THEMIS: variants seen among roughly 807,000 people sequenced by gnomAD.
THEMIS encodes thymocyte selection associated, also known as protein THEMIS.
In THEMIS, 37 loss-of-function variants were observed where a neutral mutation model predicts 52.6. That is an observed-to-expected ratio of 0.70 (90% CI 0.54 to 0.93). The LOEUF is 0.93. THEMIS is among the 40% of genes least tolerant of loss of function. THEMIS has a pLI of 0.00. For missense variants in THEMIS, 808 were observed against 763.1 expected (o/e 1.06, Z -0.69); for synonymous variants, 292 against 272.7 (o/e 1.07, Z -0.70).
At chr6:127,858,696 C>A (rs1014014494) in intron 1 of THEMIS, among the ~76,000 whole-genome samples, 9 of 152,060 alleles carry the variant, frequency 5.9e-5, no homozygotes, top group African/African-American at 1.9e-4. Flanking sequence ...TATATATAGA[C>A]ATACATATTA....
intron 1 of THEMIS, among the ~76,000 whole-genome samples, chr6:127,863,932 A>T (rs1191857321): frequency 6.6e-6 from 1 of 152,142 alleles, no homozygotes; most frequent in East Asian, 1.9e-4. Flanking sequence ...GTAGGGAAAT[A>T]ATACCTTATC....
chr6:127,787,284 A>C (rs566367313), intron 4 of THEMIS, among the ~76,000 whole-genome samples: 1 of 152,152 alleles, frequency 6.6e-6, no homozygotes, highest in South Asian at 2.1e-4. Context: ...ACGCACACAC[A>C]CACACACACA....
At chr6:127,770,357 AT>A (rs1776342472) in intron 4 of THEMIS, among the ~76,000 whole-genome samples, 1 of 151,920 alleles carries the variant, frequency 6.6e-6, no homozygotes, top group South Asian at 2.1e-4. Context: ...TTTGATTTGC[AT>A]TTTTCTAATG....
rs1485190443 is a variant in THEMIS at position 127,708,262 on chromosome 6, T to G, written c.*1723A>C. The stretch of plus-strand genomic sequence containing the variant: ...TCCAATAGGTGAGCATGAAGTTTAT[T>G]ACACTTTTCAATATCAAGACAACTG... On this transcript the variant is annotated 3_prime_UTR_variant, in exon 6 of 6. Coordinates refer to ENST00000368248, the MANE Select transcript of THEMIS (RefSeq NM_001010923.3). The G allele has an allele frequency of 1.3e-5, 2 of 152,140 alleles. No individual in the cohort carries two copies. Among genetic ancestry groups the G allele is most frequent in the African/African-American group, 2.4e-5 (1 of 41,436 alleles). The allele number at this position is 152,140 out of a possible 1,614,324, so 9.4% of individuals were successfully genotyped here.
At position 127,730,481 on chromosome 6, in the gene THEMIS, GAAGA is replaced by G. The variant is rs1425392532; in HGVS notation, c.1759-10662_1759-10659del. ...AGAAAGAAAGAGAAAGAGACAGAAA[GAAGA>G]AAGAAAGAAAGAAATGAAAAAGAAG... is the stretch of plus-strand genomic sequence containing the variant. On this transcript the variant is annotated intron_variant, in intron 4 of 5. Transcript: ENST00000368248. 3.5e-4 allele frequency among the ~76,000 whole-genome samples: 52 copies of G among 149,884 alleles called. 1 individual carries two copies. Among genetic ancestry groups the G allele is most frequent in the East Asian group, 7.8e-4 (4 of 5,120 alleles).
At chr6:127,730,822 T>G (rs1002448974) in intron 4 of THEMIS, among the ~76,000 whole-genome samples, 3 of 152,196 alleles carry the variant, frequency 2.0e-5, no homozygotes, top group Non-Finnish European at 4.4e-5. Context: ...CCAGCTCAAG[T>G]GTGTATGTGT....
chr6:127,909,613 C>CA, intron 1 of THEMIS, among the ~76,000 whole-genome samples: 1 of 152,184 alleles, frequency 6.6e-6, no homozygotes. Context: ...CTTATAGCAG[C>CA]ATGAGAACAG....
At chr6:127,844,730 T>G (rs1779158850) in intron 2 of THEMIS, among the ~76,000 whole-genome samples, 2 of 151,930 alleles carry the variant, frequency 1.3e-5, no homozygotes, top group South Asian at 4.1e-4. Flanking sequence ...AATCCAGAAA[T>G]TTGGAACTTC....
intron 1 of THEMIS, among the ~76,000 whole-genome samples, chr6:127,889,471 CAT>C (rs1780739414): frequency 6.6e-6 from 1 of 152,090 alleles, no homozygotes; most frequent in African/African-American, 2.4e-5. Flanking sequence ...GAGAGGGACT[CAT>C]AACATCAATT....
intron 1 of THEMIS, among the ~76,000 whole-genome samples, chr6:127,878,867 A>C (rs1780393324): frequency 6.6e-6 from 1 of 152,236 alleles, no homozygotes; most frequent in Non-Finnish European, 1.5e-5. Flanking sequence ...CAGCAGTAAA[A>C]ATAAAATGCT....
At chr6:127,808,328 A>T (rs957163852) in intron 4 of THEMIS, among the ~76,000 whole-genome samples, 2 of 152,208 alleles carry the variant, frequency 1.3e-5, no homozygotes, top group African/African-American at 4.8e-5. Context: ...AACCCCAGTG[A>T]GTATATGTTC....
intron 1 of THEMIS, among the ~76,000 whole-genome samples, chr6:127,887,029 T>C (rs1288887815): frequency 2.7e-5 from 4 of 150,446 alleles, no homozygotes; most frequent in African/African-American, 4.9e-5. Flanking sequence ...AAAAATACAT[T>C]GGATTTCATC....
At chr6:127,851,061 T>C (rs1779406345) in intron 2 of THEMIS, among the ~76,000 whole-genome samples, 1 of 151,206 alleles carries the variant, frequency 6.6e-6, no homozygotes, top group South Asian at 2.1e-4. Context: ...ATAACGTAAA[T>C]CAAATGTGAA....
intron 4 of THEMIS, among the ~76,000 whole-genome samples, chr6:127,729,554 C>G (rs1342314323): frequency 6.6e-6 from 1 of 152,138 alleles, no homozygotes; most frequent in African/African-American, 2.4e-5. Flanking sequence ...TACTGACTCA[C>G]AAAATGTCCA....
At chr6:127,825,941 T>G (rs182801450) in intron 3 of THEMIS, among the ~76,000 whole-genome samples, 9 of 152,332 alleles carry the variant, frequency 5.9e-5, no homozygotes, top group African/African-American at 2.2e-4. Context: ...ATACTCGTTA[T>G]ACACCACTTG....
intron 1 of THEMIS, among the ~76,000 whole-genome samples, chr6:127,882,964 A>C (rs1038992897): frequency 1.3e-5 from 2 of 151,948 alleles, no homozygotes; most frequent in African/African-American, 4.8e-5. Context: ...GATCCATAAG[A>C]GTCATGTTCA....
chr6:127,704,497 A>G (rs1200114934), downstream of THEMIS, among the ~76,000 whole-genome samples: 3 of 152,200 alleles, frequency 2.0e-5, no homozygotes, highest in Non-Finnish European at 4.4e-5. Flanking sequence ...TCCTTGGAAC[A>G]TGGCCATGAC....
At chr6:127,899,924 T>C (rs2875995) in intron 1 of THEMIS, among the ~76,000 whole-genome samples, 1 of 144,570 alleles carries the variant, frequency 6.9e-6, no homozygotes, top group Non-Finnish European at 1.5e-5. Context: ...TATATATATA[T>C]AATATATATA....
At chr6:127,749,473 T>C (rs1430192248) in intron 4 of THEMIS, among the ~76,000 whole-genome samples, 1 of 151,980 alleles carries the variant, frequency 6.6e-6, no homozygotes, top group African/African-American at 2.4e-5. Flanking sequence ...AATGGTCATA[T>C]TTATTTTTAA....
Sources: gnomAD v4.1 joint callset for allele counts (sites outside exome capture counted in the v4.1 genomes callset) on GRCh38, gnomAD v4.1.1 for gene constraint, MANE v1.5 for transcripts, NCBI Gene and HGNC (gene_info 2026-07-23, HGNC 2026-07-21) for gene names.